The following SSH1 variants were observed in gnomAD, a reference collection of about 807,000 sequenced individuals.
SSH1 encodes the protein protein phosphatase Slingshot homolog 1.
SSH1 carries 43 observed loss-of-function variants against 79.7 expected under a neutral mutation model. The observed-to-expected ratio is 0.54, with a 90% CI of 0.42 to 0.70. The LOEUF (loss-of-function observed/expected upper bound fraction) is 0.70, where lower values mean the gene tolerates loss of function less well. SSH1 is among the 30% of genes least tolerant of loss of function. The pLI is 0.00. For missense variants in SSH1, 1,206 were observed against 1,358.8 expected, an observed-to-expected ratio of 0.89 and a Z score of 1.77; for synonymous variants, 599 against 538.3, an observed-to-expected ratio of 1.11 and a Z score of -1.56.
chr12:108,814,399 T>C lies in SSH1; in HGVS notation c.401+2639A>G, dbSNP rs368924406. ...AAAAAATAAAATCCCAAGGAAGGAA[T>C]TTAGAAAAAACAAGTACATTGCTCC... is the stretch of plus-strand genomic sequence containing the variant. On this transcript the variant is annotated intron_variant, in intron 5 of 14. Coordinates refer to ENST00000326495, the MANE Select transcript of SSH1 (RefSeq NM_018984.4). Among the ~76,000 whole-genome samples the C allele has an allele frequency of 1.9e-4, 29 of 151,536 alleles. 1 individual carries two copies. The highest frequency in any genetic ancestry group is 1.3e-3 in the Admixed American group (20 of 15,218).
chr12:108,802,212 G>T, intron 11 of SSH1, 110 bp downstream of exon 11: 1 of 929,104 alleles, frequency 1.1e-6, no homozygotes, highest in Non-Finnish European at 1.7e-6. Context: ...TCAGAGACCA[G>T]GGTGCAGGCA....
At chr12:108,846,190 C>T (rs1348882785) in intron 2 of SSH1, among the ~76,000 whole-genome samples, 1 of 152,180 alleles carries the variant, frequency 6.6e-6, no homozygotes, top group Non-Finnish European at 1.5e-5. Flanking sequence ...AGACAAAATC[C>T]TGCAGCTCGC....
intron 5 of SSH1, among the ~76,000 whole-genome samples, chr12:108,812,455 A>G (rs905205531): frequency 6.6e-6 from 1 of 152,200 alleles, no homozygotes; most frequent in East Asian, 1.9e-4. Context: ...AGGAACTCAT[A>G]AGGAGGTGGG....
At chr12:108,831,069 A>G (rs1021142048) in intron 2 of SSH1, among the ~76,000 whole-genome samples, 1 of 152,246 alleles carries the variant, frequency 6.6e-6, no homozygotes, top group Non-Finnish European at 1.5e-5. Flanking sequence ...ATGCCTAAGG[A>G]AACAGGGAGT....
At chr12:108,815,640 G>A (rs1008287574) in intron 5 of SSH1, among the ~76,000 whole-genome samples, 1 of 152,174 alleles carries the variant, frequency 6.6e-6, no homozygotes, top group Non-Finnish European at 1.5e-5. Flanking sequence ...CCTGCCTGGT[G>A]GCACCCCATC....
Position 108,788,981 on chromosome 12 carries a change from G to A in SSH1, c.2157C>T (p.Gly719=), listed in dbSNP as rs974495447. 12 of 1,611,920 alleles carry A rather than the reference G, an allele frequency of 7.4e-6. No individual in the cohort carries two copies. The highest frequency in any genetic ancestry group is 1.0e-5 in the Non-Finnish European group (12 of 1,178,624). The change falls in exon 15 of 15, where the codon GGC becomes GGT. Residue 719 remains glycine, a synonymous_variant. Coordinates refer to ENST00000326495, the MANE Select transcript of SSH1 (RefSeq NM_018984.4). ...GGCCACTGGTGTCTGCCCTCCTGGA[G>A]CCTGCTGGTGGTAGGAACGGGGGAG... ...TEPPPFLPPA[G]SRRADTSGPG...
chr12:108,835,824 A>G (rs1393001774), intron 2 of SSH1, among the ~76,000 whole-genome samples: 3 of 146,374 alleles, frequency 2.0e-5, no homozygotes, highest in African/African-American at 7.5e-5. Context: ...ATTAATGTTA[A>G]TATTAATATT....
At chr12:108,835,700 T>C (rs1566012617) in intron 2 of SSH1, among the ~76,000 whole-genome samples, 1 of 151,564 alleles carries the variant, frequency 6.6e-6, no homozygotes, top group Admixed American at 6.6e-5. Context: ...GGAGGGGGTG[T>C]GGGATCCCAA....
intron 2 of SSH1, among the ~76,000 whole-genome samples, chr12:108,831,997 T>C (rs922142983): frequency 6.6e-6 from 1 of 152,198 alleles, no homozygotes; most frequent in Non-Finnish European, 1.5e-5. Flanking sequence ...TATCAACATA[T>C]ATTGTTTTAA....
At chr12:108,853,404 C>A (rs1038369631) in intron 1 of SSH1, 16 of 946,316 alleles carry the variant, frequency 1.7e-5, no homozygotes, top group Non-Finnish European at 1.6e-5. Flanking sequence ...ACCCCCCAAA[C>A]AACTCCGCAC....
chr12:108,837,029 G>C (rs554273480), intron 2 of SSH1: 1 of 469,158 alleles, frequency 2.1e-6, no homozygotes, highest in Non-Finnish European at 4.3e-6. Flanking sequence ...TCAGGGGTTC[G>C]AGACCAGCCT....
At chr12:108,808,836 T>G (rs1283993869) in intron 7 of SSH1, among the ~76,000 whole-genome samples, 1 of 143,744 alleles carries the variant, frequency 7.0e-6, no homozygotes, top group Non-Finnish European at 1.5e-5. Flanking sequence ...TTTTTTTTTT[T>G]TTTTTTTTTT....
chr12:108,827,593 G>A, intron 2 of SSH1: 1 of 1,243,310 alleles, frequency 8.0e-7, no homozygotes, highest in South Asian at 3.6e-5. Context: ...GGGCCATTCA[G>A]CAAAACAGCT....
intron 7 of SSH1, among the ~76,000 whole-genome samples, chr12:108,808,821 CTTTTTTTTTT>C (rs148110288): frequency 5.0e-5 from 4 of 80,276 alleles, no homozygotes; most frequent in African/African-American, 1.4e-4. Flanking sequence ...TCTTTTACTT[CTTTTTTTTTT>C]TTTTTTTTTT....
chr12:108,852,566 G>C, intron 2 of SSH1, 72 bp downstream of exon 2: 7 of 1,581,542 alleles, frequency 4.4e-6, no homozygotes, highest in Admixed American at 1.7e-5. Context: ...TTTTCCCTTT[G>C]GGAGAGGAAC....
rs547245548 is a variant in SSH1, at chr12:108,828,815, A to C, written c.111-5454T>G. ...CTGACCAAGAAGTCGCTTTCAAGGT[A>C]AGTTTCTCATCAACAGGACTATTAT... On this transcript the variant is annotated intron_variant, in intron 2 of 14. Transcript: ENST00000326495. 3.9e-4 allele frequency among the ~76,000 whole-genome samples: 59 copies of C among 152,322 alleles called. 1 individual carries two copies. The South Asian group carries it at 0.012, about 31-fold the overall frequency.
At chr12:108,795,518 G>A (rs1482020149) in intron 13 of SSH1, among the ~76,000 whole-genome samples, 1 of 151,846 alleles carries the variant, frequency 6.6e-6, no homozygotes, top group Admixed American at 6.6e-5. Context: ...GCCTCCCAAA[G>A]TGCTGGGATT....
intron 2 of SSH1, among the ~76,000 whole-genome samples, chr12:108,841,433 TTTAA>T (rs1260196370): frequency 6.6e-5 from 10 of 152,204 alleles, no homozygotes; most frequent in East Asian, 1.9e-4. Context: ...TAATGAAAAG[TTTAA>T]TTAAGTTCTG....
chr12:108,830,228 G>T lies in SSH1; in HGVS notation c.111-6867C>A, dbSNP rs1221956010. Among the ~76,000 whole-genome samples the T allele has an allele frequency of 4.6e-5, 7 of 152,292 alleles. No individual in the cohort carries two copies. In the East Asian group the frequency reaches 1.3e-3, roughly 29 times the overall value. On this transcript the variant is annotated intron_variant, in intron 2 of 14. Transcript: ENST00000326495. ...GCACTTTGGGAGGCCAAGGTGGGTGGATCACTTGAGGTCAGGAGTTCAAGA... is the reference window on the plus strand; with the variant it reads ...GCACTTTGGGAGGCCAAGGTGGGTGTATCACTTGAGGTCAGGAGTTCAAGA...
Sources: allele counts gnomAD v4.1 joint callset (sites outside exome capture counted in the v4.1 genomes callset), GRCh38; gene constraint gnomAD v4.1.1; transcripts MANE v1.5; gene names NCBI Gene and HGNC (gene_info 2026-07-23, HGNC 2026-07-21).